FAM120B: variants seen among roughly 807,000 people sequenced by gnomAD.
FAM120B encodes constitutive coactivator of peroxisome proliferator-activated receptor gamma.
FAM120B carries 83 observed loss-of-function variants against 96.3 expected under a neutral mutation model. The ratio of observed to expected loss-of-function variants is 0.86; its 90% CI spans 0.72 to 1.03. The LOEUF (loss-of-function observed/expected upper bound fraction) is 1.03, where lower values mean the gene tolerates loss of function less well. Ranked by LOEUF, FAM120B falls within the 50% of genes least tolerant of loss-of-function variation. FAM120B has a pLI of 0.00. For synonymous variants in FAM120B, 407 were observed against 402.7 expected (o/e 1.01, Z -0.13); for missense variants, 1,027 against 1,121.2 (o/e 0.92, Z 1.20).
At chr6:170,303,957 C>T (rs1030935636), upstream of FAM120B, among the ~76,000 whole-genome samples, 2 of 152,240 alleles carry the variant, frequency 1.3e-5, no homozygotes, top group South Asian at 4.1e-4. Context: ...ATGTGATTCA[C>T]TTCCTTCTGG....
At chr6:170,344,519 C>T (rs575696751) in intron 4 of FAM120B, among the ~76,000 whole-genome samples, 18 of 149,014 alleles carry the variant, frequency 1.2e-4, no homozygotes, top group South Asian at 1.1e-3. Context: ...CTTGGAAGAA[C>T]GGATGAAATC....
intron 6 of FAM120B, among the ~76,000 whole-genome samples, chr6:170,384,064 T>G (rs1002229418): frequency 1.3e-5 from 2 of 152,228 alleles, no homozygotes; most frequent in Non-Finnish European, 2.9e-5. Context: ...ATGATTCTAT[T>G]TATGTTACAT....
intron 9 of FAM120B, among the ~76,000 whole-genome samples, chr6:170,403,769 T>A (rs895522619): frequency 2.6e-5 from 4 of 152,236 alleles, no homozygotes; most frequent in African/African-American, 9.6e-5. Context: ...GTGGTGATTC[T>A]GTAGGAGGCC....
chr6:170,394,460 A>G (rs932981453), intron 8 of FAM120B, among the ~76,000 whole-genome samples: 5 of 151,056 alleles, frequency 3.3e-5, no homozygotes, highest in African/African-American at 1.2e-4. Context: ...GCAGCATGCC[A>G]GCACAAGGCC....
intron 8 of FAM120B, among the ~76,000 whole-genome samples, chr6:170,392,215 T>C (rs987760993): frequency 1.3e-5 from 2 of 152,196 alleles, no homozygotes; most frequent in African/African-American, 4.8e-5. Flanking sequence ...TTTTTGCTTT[T>C]TGTTTTTTTG....
At chr6:170,366,303 G>A (rs550460041) in intron 6 of FAM120B, among the ~76,000 whole-genome samples, 1 of 152,204 alleles carries the variant, frequency 6.6e-6, no homozygotes, top group Admixed American at 6.5e-5. Context: ...ACTCATGGGT[G>A]GGGGAAGCGG....
chr6:170,361,311 TA>T (rs1788446822), intron 6 of FAM120B, among the ~76,000 whole-genome samples: 2 of 148,366 alleles, frequency 1.3e-5, no homozygotes, highest in South Asian at 4.3e-4. Context: ...ATTATATGTG[TA>T]AAGGTGCATA....
intron 6 of FAM120B, among the ~76,000 whole-genome samples, chr6:170,381,092 CT>C (rs1789873909): frequency 6.6e-6 from 1 of 152,196 alleles, no homozygotes; most frequent in Admixed American, 6.5e-5. Flanking sequence ...TGTCAATATC[CT>C]GTAGAAGACA....
intron 5 of FAM120B, among the ~76,000 whole-genome samples, chr6:170,352,697 T>C (rs1787656884): frequency 6.6e-6 from 1 of 151,436 alleles, no homozygotes; most frequent in Admixed American, 6.6e-5. Flanking sequence ...ATAATGAAAT[T>C]AATGAGAACA....
intron 9 of FAM120B, among the ~76,000 whole-genome samples, chr6:170,398,186 A>C (rs894138039): frequency 6.6e-6 from 1 of 152,258 alleles, no homozygotes; most frequent in Non-Finnish European, 1.5e-5. Flanking sequence ...AACGCACTGA[A>C]ACCTTTCCAT....
At position 170,318,852 on chromosome 6, in the gene FAM120B, C is replaced by T. The variant is rs148225025; in HGVS notation, c.1462C>T (p.Arg488Trp). 599 of 1,614,080 alleles carry T rather than the reference C, an allele frequency of 3.7e-4. No individual in the cohort carries two copies. The highest frequency in any genetic ancestry group is 2.8e-4 in the Non-Finnish European group (327 of 1,180,022). Residue 488 changes from arginine to tryptophan, a missense_variant, in exon 2 of 11, where the codon CGG (arginine) becomes TGG (tryptophan). Arg to Trp is a moderately radical substitution (Grantham distance 101). Coordinates refer to ENST00000476287, the MANE Select transcript of FAM120B (RefSeq NM_032448.3). Reference sequence around the variant, plus strand: ...TGAATCCAGGCAAGAAGTTTTAATACGGACAGACCCTGAATCTAGGCAAGA... The same window carrying T: ...TGAATCCAGGCAAGAAGTTTTAATATGGACAGACCCTGAATCTAGGCAAGA... ...GPESRQEVLI[R>W]TDPESRQEIM...
rs80114039 is a variant in FAM120B, at chr6:170,379,950, C to T, written c.2284-8337C>T. On this transcript the variant is annotated intron_variant, in intron 6 of 10. Coordinates refer to ENST00000476287, the MANE Select transcript of FAM120B (RefSeq NM_032448.3). ...AGTCCTCGTGCCATGCATTAGATCTCTCCAGACCCATTCATCCCACATAAC... is the reference window on the plus strand; with the variant it reads ...AGTCCTCGTGCCATGCATTAGATCTTTCCAGACCCATTCATCCCACATAAC... Among the ~76,000 whole-genome samples the T allele has an allele frequency of 8.8e-3, 1,344 of 152,300 alleles. 68 individuals carry two copies. The East Asian group carries it at 0.1, about 12-fold the overall frequency.
At chr6:170,399,127 G>C (rs1178426885) in intron 9 of FAM120B, among the ~76,000 whole-genome samples, 20 of 147,908 alleles carry the variant, frequency 1.4e-4, no homozygotes, top group African/African-American at 4.3e-4. Flanking sequence ...ACTCTTAGGA[G>C]TGAGTGAGAA....
At chr6:170,333,875 A>G (rs1786237546) in intron 4 of FAM120B, among the ~76,000 whole-genome samples, 1 of 152,168 alleles carries the variant, frequency 6.6e-6, no homozygotes. Flanking sequence ...ATCATGGAAG[A>G]TGATGTTTCT....
chr6:170,365,732 C>CCA (rs1024806945), intron 6 of FAM120B, among the ~76,000 whole-genome samples: 2 of 150,956 alleles, frequency 1.3e-5, no homozygotes, highest in Non-Finnish European at 3.0e-5. Context: ...CTCCCCCCTG[C>CCA]CAGGCTGCCT....
rs75826601 is a variant in FAM120B, at chr6:170,365,929, A to T, written c.2283+7611A>T. ...TGGGGTGGTCTGTGACAGGCTCAGC[A>T]GGTGTTGGTAAAAGGACCCTTGGCC... is the stretch of plus-strand genomic sequence containing the variant. On this transcript the variant is annotated intron_variant, in intron 6 of 10. Coordinates refer to ENST00000476287, the MANE Select transcript of FAM120B (RefSeq NM_032448.3). Among the ~76,000 whole-genome samples, 58 of 152,264 alleles carry T rather than the reference A, an allele frequency of 3.8e-4. 1 individual carries two copies. The East Asian group carries it at 7.7e-3, about 20-fold the overall frequency.
chr6:170,398,012 G>A (rs764181122), intron 9 of FAM120B, among the ~76,000 whole-genome samples: 11 of 152,218 alleles, frequency 7.2e-5, no homozygotes, highest in Non-Finnish European at 1.5e-4. Flanking sequence ...TTCCCCCTGG[G>A]CCTCAGGAAG....
At chr6:170,373,387 G>C (rs536969652) in intron 6 of FAM120B, among the ~76,000 whole-genome samples, 4 of 152,320 alleles carry the variant, frequency 2.6e-5, no homozygotes, top group Admixed American at 2.6e-4. Context: ...CTGTCACGCT[G>C]ACTTGGGCTC....
chr6:170,329,730 C>T (rs1407799557), intron 3 of FAM120B, among the ~76,000 whole-genome samples: 10 of 152,194 alleles, frequency 6.6e-5, no homozygotes, highest in South Asian at 6.2e-4. Context: ...CTTTCTTCAT[C>T]TTTTGATTCC....
Sources: allele counts gnomAD v4.1 joint callset (sites outside exome capture counted in the v4.1 genomes callset), GRCh38; gene constraint gnomAD v4.1.1; transcripts MANE v1.5; gene names NCBI Gene and HGNC (gene_info 2026-07-23, HGNC 2026-07-21).